Variants in DPYD observed in about 807,000 individuals in gnomAD.
DPYD encodes dihydropyrimidine dehydrogenase.
In DPYD, 109 loss-of-function variants were observed where a neutral mutation model predicts 116.2. The observed-to-expected ratio is 0.94, with a 90% CI of 0.80 to 1.10. DPYD has a LOEUF of 1.10. Ranked by LOEUF, DPYD falls within the 50% of genes least tolerant of loss-of-function variation. The probability of loss-of-function intolerance (pLI) is 0.00; values close to 1 mark genes in which losing one functional copy is unlikely to be tolerated. For synonymous variants in DPYD, 440 were observed against 432.0 expected (o/e 1.02, Z -0.23); for missense variants, 1,302 against 1,254.5 (o/e 1.04, Z -0.57).
intron 2 of DPYD, among the ~76,000 whole-genome samples, chr1:97,864,145 G>T (rs1671256265): frequency 6.6e-6 from 1 of 152,014 alleles, no homozygotes; most frequent in Non-Finnish European, 1.5e-5. Context: ...ACTAGAATGA[G>T]AGTCCCATGA....
At chr1:97,152,136 C>A (rs1470709903) in intron 20 of DPYD, among the ~76,000 whole-genome samples, 1 of 152,170 alleles carries the variant, frequency 6.6e-6, no homozygotes, top group Non-Finnish European at 1.5e-5. Context: ...TTTCAGGAAT[C>A]TCCTTCTGCT....
chr1:97,571,413 G>T (rs1336735503), intron 11 of DPYD, among the ~76,000 whole-genome samples: 2 of 151,846 alleles, frequency 1.3e-5, no homozygotes, highest in Non-Finnish European at 2.9e-5. Flanking sequence ...TAAGTGACTT[G>T]GAGGAGAGCA....
chr1:97,214,382 G>C (rs991497358), intron 19 of DPYD, among the ~76,000 whole-genome samples: 11 of 152,128 alleles, frequency 7.2e-5, no homozygotes, highest in African/African-American at 2.7e-4. Context: ...TATGAAAATA[G>C]CATGGATAGA....
intron 1 of DPYD, among the ~76,000 whole-genome samples, chr1:97,897,277 C>T (rs1289872619): frequency 6.6e-6 from 1 of 151,800 alleles, no homozygotes; most frequent in Non-Finnish European, 1.5e-5. Context: ...TATCTTTGTT[C>T]TTCTGTATCC....
At chr1:97,333,289 C>T (rs1456287188) in intron 16 of DPYD, among the ~76,000 whole-genome samples, 1 of 151,850 alleles carries the variant, frequency 6.6e-6, no homozygotes, top group Non-Finnish European at 1.5e-5. Flanking sequence ...ATACACCCTT[C>T]TTGCCCAGCT....
intron 18 of DPYD, among the ~76,000 whole-genome samples, chr1:97,240,411 T>G (rs1335621250): frequency 6.6e-6 from 1 of 152,004 alleles, no homozygotes; most frequent in Non-Finnish European, 1.5e-5. Flanking sequence ...AACTGGAATT[T>G]TGAATAATTG....
chr1:97,620,225 ATTT>A (rs1180777437), intron 8 of DPYD, among the ~76,000 whole-genome samples: 1 of 151,974 alleles, frequency 6.6e-6, no homozygotes, highest in Non-Finnish European at 1.5e-5. Context: ...TTTAAAAAAA[ATTT>A]TTTTGAGACA....
chr1:97,515,908 C>A lies in DPYD; in HGVS notation c.1558G>T (p.Glu520Ter), dbSNP rs980780860. The A allele has an allele frequency of 6.2e-7, 1 of 1,612,590 alleles. No homozygotes were observed. The highest frequency in any genetic ancestry group is 1.3e-5 in the African/African-American group (1 of 74,806). ...ATAGGAGTGTAAAAGAGGGGTAGTT[C>A]AGGCTTGGCAGAAACGGAAGCTCCA... ...QYGASVSAKPELPLFYTPIDL... is the reference protein window; with the variant it reads ...QYGASVSAKP The change falls in exon 13 of 23, where the codon GAA becomes TAA. Residue 520 changes from glutamate (E) to a stop codon, truncating the protein, a stop_gained. Transcript: ENST00000370192. LOFTEE classifies it high-confidence loss of function.
rs1453043129 is a variant in DPYD, at chr1:97,887,551, G to T, written c.40-4177C>A. 2.7e-5 allele frequency among the ~76,000 whole-genome samples: 4 copies of T among 149,040 alleles called. No individual in the cohort carries two copies. The East Asian group carries it at 7.9e-4, about 30-fold the overall frequency. On this transcript the variant is annotated intron_variant, in intron 1 of 22. Coordinates refer to ENST00000370192, the MANE Select transcript of DPYD (RefSeq NM_000110.4). ...TCCTCTAGAGGGGGTTTAGTGTCCG[G>T]CAAGAATAGCTACATTATGTAAGAT...
chr1:97,560,273 A>G (rs182366253), intron 11 of DPYD, among the ~76,000 whole-genome samples: 1 of 152,332 alleles, frequency 6.6e-6, no homozygotes, highest in Admixed American at 6.5e-5. Flanking sequence ...GAGAATCAAA[A>G]TATTTCTAAG....
chr1:97,587,338 C>G (rs1301113158), intron 10 of DPYD, among the ~76,000 whole-genome samples: 1 of 152,192 alleles, frequency 6.6e-6, no homozygotes. Flanking sequence ...GTCAACATGT[C>G]TCTGATTACC....
At chr1:97,448,958 A>G (rs926690144) in intron 14 of DPYD, among the ~76,000 whole-genome samples, 4 of 151,832 alleles carry the variant, frequency 2.6e-5, no homozygotes, top group Non-Finnish European at 4.4e-5. Flanking sequence ...TTCTATGTGC[A>G]TGTATTTTAT....
At chr1:97,762,362 A>G (rs1008114994) in intron 3 of DPYD, among the ~76,000 whole-genome samples, 1 of 152,080 alleles carries the variant, frequency 6.6e-6, no homozygotes, top group African/African-American at 2.4e-5. Flanking sequence ...GATAAAGGAG[A>G]GCCATTAAGG....
chr1:97,612,232 A>G (rs775210701), intron 8 of DPYD, among the ~76,000 whole-genome samples: 22 of 152,168 alleles, frequency 1.4e-4, no homozygotes, highest in Non-Finnish European at 2.9e-4. Flanking sequence ...TTCACACGAT[A>G]AAAGAACCAG....
chr1:97,304,204 G>C (rs1184363583), intron 18 of DPYD, among the ~76,000 whole-genome samples: 2 of 151,996 alleles, frequency 1.3e-5, no homozygotes, highest in African/African-American at 4.8e-5. Context: ...GCATGTTACA[G>C]CCCAACTCTG....
chr1:97,412,181 A>C (rs919982588), intron 14 of DPYD, among the ~76,000 whole-genome samples: 1 of 152,276 alleles, frequency 6.6e-6, no homozygotes, highest in East Asian at 1.9e-4. Context: ...ACTATAATCA[A>C]TGCATTTGCA....
intron 20 of DPYD, among the ~76,000 whole-genome samples, chr1:97,124,279 G>T (rs1652667608): frequency 6.6e-6 from 1 of 151,984 alleles, no homozygotes; most frequent in Non-Finnish European, 1.5e-5. Flanking sequence ...TGACCAGACA[G>T]ATTTTAGTCC....
intron 3 of DPYD, among the ~76,000 whole-genome samples, chr1:97,740,872 A>G (rs1664227103): frequency 6.6e-6 from 1 of 152,166 alleles, no homozygotes; most frequent in African/African-American, 2.4e-5. Context: ...ACAAATGCAA[A>G]GATTAAAGGT....
At chr1:97,740,252 C>T in intron 4 of DPYD, 140 bp downstream of exon 4, 1 of 565,016 alleles carries the variant, frequency 1.8e-6, no homozygotes, top group East Asian at 3.0e-5. Flanking sequence ...ATAAATGTGC[C>T]ACATTTTTAA....
Sources: gnomAD v4.1 joint callset for allele counts (sites outside exome capture counted in the v4.1 genomes callset) on GRCh38, gnomAD v4.1.1 for gene constraint, MANE v1.5 for transcripts, NCBI Gene and HGNC (gene_info 2026-07-23, HGNC 2026-07-21) for gene names.